KLF2: variants seen among roughly 807,000 people sequenced by gnomAD.
KLF2 encodes the protein Krueppel-like factor 2.
In KLF2, 9 loss-of-function variants were observed where a neutral mutation model predicts 22.2. The observed-to-expected ratio is 0.40, with a 90% CI of 0.24 to 0.71. KLF2 has a LOEUF of 0.71. Ranked by LOEUF, KLF2 falls within the 30% of genes least tolerant of loss-of-function variation. KLF2 has a pLI of 0.35. For missense variants in KLF2, 481 were observed against 542.1 expected (o/e 0.89, Z 1.12); for synonymous variants, 299 against 264.2 (o/e 1.13, Z -1.28).
intron 1 of KLF2, 22 bp from the exon 2 acceptor site, chr19:16,325,194 C>A: frequency 6.7e-7 from 1 of 1,489,034 alleles, no homozygotes. Context: ...CCCGCTCACG[C>A]CCATTGCCCT....
At position 16,325,894 on chromosome 19, in the gene KLF2, C is replaced by G. The variant is rs931312582; in HGVS notation, c.754C>G (p.Leu252Val). ...LLTPPASPLE[L>V]LEAKPKRGRR... is the part of the protein sequence containing the mutation. The stretch of plus-strand genomic sequence containing the variant: ...CACGCCGCCTGCGTCCCCGCTGGAG[C>G]TGCTGGAGGCCAAGCCAAAGCGCGG... The change falls in exon 2 of 3, where the codon CTG becomes GTG. Residue 252 changes from leucine (L) to valine (V), a missense_variant. Leu to Val is a conservative substitution (Grantham distance 32). Coordinates refer to ENST00000248071, the MANE Select transcript of KLF2 (RefSeq NM_016270.4). 77 of 1,495,744 alleles carry G rather than the reference C, an allele frequency of 5.1e-5. No individual in the cohort carries two copies. The highest frequency in any genetic ancestry group is 6.5e-5 in the Admixed American group (3 of 46,258). 92.7% of individuals were successfully genotyped at this position (1,495,744 alleles called of 1,614,324 possible). A position where few individuals can be genotyped will look rare whatever the true frequency, so the allele number is the denominator to read the frequency against.
chr19:16,327,278 A>C lies in KLF2; in HGVS notation c.*247A>C. 2.1e-6 allele frequency: 1 copy of C among 465,132 alleles called. No individual in the cohort carries two copies. The highest frequency in any genetic ancestry group is 3.9e-6 in the Non-Finnish European group (1 of 258,080). The allele number at this position is 465,132 out of a possible 1,614,324, so 28.8% of individuals were successfully genotyped here. Reference sequence around the variant, plus strand: ...GAGTTTTGTTTTTCAAAATGGTGCAATAATTTAAGTGGCATCTTCTCTCCC... The same window carrying C: ...GAGTTTTGTTTTTCAAAATGGTGCACTAATTTAAGTGGCATCTTCTCTCCC... On this transcript the variant is annotated 3_prime_UTR_variant, in exon 3 of 3. Coordinates refer to ENST00000248071, the MANE Select transcript of KLF2 (RefSeq NM_016270.4).
rs1286672097 is a variant in KLF2, at chr19:16,325,535, G to A, written c.395G>A (p.Gly132Asp). 3 of 1,260,486 alleles carry A rather than the reference G, an allele frequency of 2.4e-6. No homozygotes were observed. The highest frequency in any genetic ancestry group is 3.0e-6 in the Non-Finnish European group (3 of 1,005,406). 78.1% of individuals were successfully genotyped at this position (1,260,486 alleles called of 1,614,324 possible). Reference sequence around the variant, plus strand: ...GAGCCCCCTGAAGCGGACGGCGGCGGCGGCTACGGCTGCGCCCCCGGGCTG... The same window carrying A: ...GAGCCCCCTGAAGCGGACGGCGGCGACGGCTACGGCTGCGCCCCCGGGCTG... The part of the protein sequence containing the change: ...KAEPPEADGG[G>D]GYGCAPGLTR... Residue 132 changes from glycine to aspartate, a missense_variant, in exon 2 of 3, where the codon GGC becomes GAC. Gly to Asp is a moderately conservative substitution (Grantham distance 94). Transcript: ENST00000248071.
chr19:16,325,328 A>AGCCGCCGCC lies in KLF2; in HGVS notation c.195_203dup (p.Pro69_Pro71dup), dbSNP rs749516918. On this transcript the variant is annotated inframe_insertion, in exon 2 of 3. Coordinates refer to ENST00000248071, the MANE Select transcript of KLF2 (RefSeq NM_016270.4). ...GGCCTGGGCGCCGAGGCCGCCCCGG[A>AGCCGCCGCC]GCCGCCGCCGCCGCCCCCGCCGCCT... The AGCCGCCGCC allele has an allele frequency of 2.0e-6, 3 of 1,475,140 alleles. No homozygotes were observed. Among genetic ancestry groups the AGCCGCCGCC allele is most frequent in the African/African-American group, 3.0e-5 (2 of 67,102 alleles). The allele number at this position is 1,475,140 out of a possible 1,614,324, so 91.4% of individuals were successfully genotyped here.
intron 2 of KLF2, among the ~76,000 whole-genome samples, 173 bp downstream of exon 2, chr19:16,326,205 T>G (rs1599497727): frequency 2.9e-5 from 4 of 136,112 alleles, no homozygotes; most frequent in South Asian, 2.5e-4. Flanking sequence ...GGGAGGTTGG[T>G]TGGGGGGGCA....
Position 16,324,930 on chromosome 19 carries a change from C to T in KLF2, c.7C>T (p.Leu3=), listed in dbSNP as rs779039414. 1 of 1,599,776 alleles carries T rather than the reference C, an allele frequency of 6.3e-7. No homozygotes were observed. The highest frequency in any genetic ancestry group is 8.5e-7 in the Non-Finnish European group (1 of 1,174,272). Reference sequence around the variant, plus strand: ...TTCTCCCCGGGTCCCGGCCATGGCGCTGAGTGAACCCATCCTGCCGTCCTT... The same window carrying T: ...TTCTCCCCGGGTCCCGGCCATGGCGTTGAGTGAACCCATCCTGCCGTCCTT... The part of the protein sequence containing the change: MA[L]SEPILPSFST... Residue 3 remains leucine (L), a synonymous_variant, in exon 1 of 3, where the codon CTG becomes TTG. Transcript: ENST00000248071.
Position 16,325,005 on chromosome 19 carries a change from G to T in KLF2, c.75+7G>T. 6.3e-7 allele frequency: 1 copy of T among 1,580,836 alleles called. No individual in the cohort carries two copies. Among genetic ancestry groups the T allele is most frequent in the East Asian group, 2.3e-5 (1 of 42,742 alleles). On this transcript the variant is annotated splice_region_variant and intron_variant, in intron 1 of 2. Coordinates refer to ENST00000248071, the MANE Select transcript of KLF2 (RefSeq NM_016270.4). ...CGAGCGCGGCCTGCAGGAGGTGAGG[G>T]CGGCGGGGACGGCGGGGCGGCCGGG...
Position 16,325,501 on chromosome 19 carries a change from G to A in KLF2, c.361G>A (p.Val121Ile), listed in dbSNP as rs1171265830. 10 of 1,341,456 alleles carry A rather than the reference G, an allele frequency of 7.5e-6. No homozygotes were observed. Among genetic ancestry groups the A allele is most frequent in the Non-Finnish European group, 8.6e-6 (9 of 1,051,286 alleles). 83.1% of individuals were successfully genotyped at this position (1,341,456 alleles called of 1,614,324 possible). The change falls in exon 2 of 3, where the codon GTC becomes ATC. Residue 121 changes from valine (V) to isoleucine (I), a missense_variant. Transcript: ENST00000248071. ...TCTGCTGGCGCCGCCCGGCCGCCTGGTCAAGGCCGAGCCCCCTGAAGCGGA... is the reference window on the plus strand; with the variant it reads ...TCTGCTGGCGCCGCCCGGCCGCCTGATCAAGGCCGAGCCCCCTGAAGCGGA... Reference protein sequence around the residue: ...RFLLAPPGRLVKAEPPEADGG... With the variant: ...RFLLAPPGRLIKAEPPEADGG...
rs1184403377 is a variant in KLF2 at position 16,327,188 on chromosome 19, G to A, written c.*157G>A. On this transcript the variant is annotated 3_prime_UTR_variant, in exon 3 of 3. Coordinates refer to ENST00000248071, the MANE Select transcript of KLF2 (RefSeq NM_016270.4). Reference sequence around the variant, plus strand: ...CTCCCTCGATGACGACGACGACGACGCCACCACCCCAGCCCCCGTCTGTGA... The same window carrying A: ...CTCCCTCGATGACGACGACGACGACACCACCACCCCAGCCCCCGTCTGTGA... 7 of 652,902 alleles carry A rather than the reference G, an allele frequency of 1.1e-5. No homozygotes were observed. The Admixed American group carries it at 2.3e-4, about 21-fold the overall frequency. 40.4% of individuals were successfully genotyped at this position (652,902 alleles called of 1,614,324 possible).
Position 16,325,642 on chromosome 19 carries a change from CCGCCGCCGCCCGACA to C in KLF2, c.504_518del (p.Pro171_Pro175del), listed in dbSNP as rs1186064966. On this transcript the variant is annotated inframe_deletion, in exon 2 of 3. Coordinates refer to ENST00000248071, the MANE Select transcript of KLF2 (RefSeq NM_016270.4). ...CATGCGAGGTCCCGGGGGCCGCCCC[CCGCCGCCGCCCGACA>C]CACCGCCGCTCAGCCCCGACGGCCC... The C allele has an allele frequency of 1.9e-6, 2 of 1,069,016 alleles. No homozygotes were observed. Among genetic ancestry groups the C allele is most frequent in the East Asian group, 7.2e-5 (1 of 13,884 alleles). 66.2% of individuals were successfully genotyped at this position (1,069,016 alleles called of 1,614,324 possible).
rs1280353051 is a variant in KLF2, at chr19:16,325,323, C to T, written c.183C>T (p.Ala61=). Residue 61 remains alanine, a synonymous_variant, in exon 2 of 3, where the codon GCC becomes GCT. Transcript: ENST00000248071. The part of the protein sequence containing the change: ...MGLDGLGAEA[A]PEPPPPPPPP... ...TGGATGGCCTGGGCGCCGAGGCCGC[C>T]CCGGAGCCGCCGCCGCCGCCCCCGC... The T allele has an allele frequency of 1.3e-6, 2 of 1,482,334 alleles. No homozygotes were observed. Among genetic ancestry groups the T allele is most frequent in the Middle Eastern group, 3.9e-4 (2 of 5,146 alleles). 91.8% of individuals were successfully genotyped at this position (1,482,334 alleles called of 1,614,324 possible).
At position 16,325,088 on chromosome 19, in the gene KLF2, A is replaced by G. The variant is rs1488974223; in HGVS notation, c.75+90A>G. On this transcript the variant is annotated intron_variant, in intron 1 of 2. Transcript: ENST00000248071. ...TGGGCTGCGGGGTGACAGGACGCGA[A>G]GGCGGGGACTGCAGACTCAGGAGAG... 5.9e-6 allele frequency: 8 copies of G among 1,352,016 alleles called. No individual in the cohort carries two copies. In the African/African-American group the frequency reaches 1.2e-4, roughly 20 times the overall value. 83.8% of individuals were successfully genotyped at this position (1,352,016 alleles called of 1,614,324 possible).
In KLF2 at chr19:16,325,962, C is replaced by T; in HGVS notation, c.822C>T (p.Cys274=). 1 of 1,547,770 alleles carries T rather than the reference C, an allele frequency of 6.5e-7. No individual in the cohort carries two copies. The highest frequency in any genetic ancestry group is 8.7e-7 in the Non-Finnish European group (1 of 1,147,336). ...WPRKRTATHT[C]SYAGCGKTYT... is the part of the protein sequence containing the mutation. ...GCAAACGCACCGCCACTCACACCTG[C>T]AGCTACGCGGGCTGCGGCAAGACCT... is the stretch of plus-strand genomic sequence containing the variant. The change falls in exon 2 of 3, where the codon TGC becomes TGT. Residue 274 remains cysteine, a synonymous_variant. Transcript: ENST00000248071.
In KLF2 at chr19:16,325,936, C is replaced by T. The variant is rs1316953103; in HGVS notation, c.796C>T (p.Arg266Cys). ...KPKRGRRSWP[R>C]KRTATHTCSY... ...AAAGCGCGGCCGCCGCTCTTGGCCCCGCAAACGCACCGCCACTCACACCTG... is the reference window on the plus strand; with the variant it reads ...AAAGCGCGGCCGCCGCTCTTGGCCCTGCAAACGCACCGCCACTCACACCTG... The change falls in exon 2 of 3, where the codon CGC becomes TGC. Residue 266 changes from arginine (R) to cysteine (C), a missense_variant. By Grantham distance (180) the Arg-to-Cys change is radical (BLOSUM62 -3). Around this residue, in one of 2 missense-constraint regions of KLF2, gnomAD observed 421 missense variants for 435.1 expected, o/e 0.97. Transcript: ENST00000248071. 6.5e-7 allele frequency: 1 copy of T among 1,530,512 alleles called. No individual in the cohort carries two copies. The allele number at this position is 1,530,512 out of a possible 1,614,324, so 94.8% of individuals were successfully genotyped here.
chr19:16,326,068 G>T (rs570470637), intron 2 of KLF2, 36 bp downstream of exon 2: 2 of 1,522,836 alleles, frequency 1.3e-6, no homozygotes, highest in Non-Finnish European at 1.8e-6. Context: ...CGCAGGCGGG[G>T]GGACGCGGGA....
At chr19:16,325,066 G>T in intron 1 of KLF2, 68 bp downstream of exon 1, 1 of 1,423,732 alleles carries the variant, frequency 7.0e-7, no homozygotes, top group East Asian at 2.6e-5. Flanking sequence ...TAGAACGTGG[G>T]CTGCGGGGTG....
At position 16,326,007 on chromosome 19, in the gene KLF2, G is replaced by C. The variant is rs1458339817; in HGVS notation, c.867G>C (p.Leu289=). 5 of 1,553,724 alleles carry C rather than the reference G, an allele frequency of 3.2e-6. No homozygotes were observed. The highest frequency in any genetic ancestry group is 4.3e-6 in the Non-Finnish European group (5 of 1,150,220). The change falls in exon 2 of 3, where the codon CTG becomes CTC. Residue 289 remains leucine (L), a synonymous_variant. Transcript: ENST00000248071. ...AGACCTACACCAAGAGTTCGCATCTGAAGGCGCATCTGCGCACGCACACAG... is the reference window on the plus strand; with the variant it reads ...AGACCTACACCAAGAGTTCGCATCTCAAGGCGCATCTGCGCACGCACACAG... ...CGKTYTKSSH[L]KAHLRTHTGE...
In KLF2 at chr19:16,327,228, G is replaced by T; in HGVS notation, c.*197G>T. On this transcript the variant is annotated 3_prime_UTR_variant, in exon 3 of 3. Transcript: ENST00000248071. The stretch of plus-strand genomic sequence containing the variant: ...CCCGTCTGTGACTGAAGGCCCGGTG[G>T]GAAAAGACCACGATCCTCCTTGACG... 1 of 532,636 alleles carries T rather than the reference G, an allele frequency of 1.9e-6. No homozygotes were observed. Among genetic ancestry groups the T allele is most frequent in the Non-Finnish European group, 3.3e-6 (1 of 301,114 alleles). 33.0% of individuals were successfully genotyped at this position (532,636 alleles called of 1,614,324 possible).
At position 16,327,187 on chromosome 19, in the gene KLF2, C is replaced by T. The variant is rs2091892954; in HGVS notation, c.*156C>T. On this transcript the variant is annotated 3_prime_UTR_variant, in exon 3 of 3. Transcript: ENST00000248071. ...TCTCCCTCGATGACGACGACGACGA[C>T]GCCACCACCCCAGCCCCCGTCTGTG... 1.1e-5 allele frequency: 7 copies of T among 654,436 alleles called. No homozygotes were observed. In the East Asian group the frequency reaches 2.0e-4, roughly 19 times the overall value. 40.5% of individuals were successfully genotyped at this position (654,436 alleles called of 1,614,324 possible).
Sources: allele counts gnomAD v4.1 joint callset (sites outside exome capture counted in the v4.1 genomes callset), GRCh38; gene constraint gnomAD v4.1.1; regional missense constraint gnomAD v4.1.1; transcripts MANE v1.5; gene names NCBI Gene and HGNC (gene_info 2026-07-23, HGNC 2026-07-21).